Variants in EXTL3 observed in about 807,000 individuals in gnomAD.
The protein encoded by EXTL3 is exostosin like glycosyltransferase 3.
A neutral mutation model predicts 69.3 loss-of-function variants in EXTL3; 27 were observed. The ratio of observed to expected loss-of-function variants is 0.39; its 90% CI spans 0.29 to 0.54. The LOEUF (loss-of-function observed/expected upper bound fraction) is 0.54, where lower values mean the gene tolerates loss of function less well. Among genes scored for constraint, EXTL3 ranks in the 20% least tolerant of loss-of-function variants. EXTL3 has a pLI of 0.69. For synonymous variants in EXTL3, 511 were observed against 499.4 expected (o/e 1.02, Z -0.31); for missense variants, 1,003 against 1,231.8 (o/e 0.81, Z 2.78).
chr8:28,695,695 C>T (rs1355155726), intron 1 of EXTL3, among the ~76,000 whole-genome samples: 1 of 152,170 alleles, frequency 6.6e-6, no homozygotes, highest in Admixed American at 6.5e-5. Context: ...TCCCACAATT[C>T]CAGGTAAGAA....
At chr8:28,613,636 T>TCCA (rs1328611173) in intron 2 of EXTL3, among the ~76,000 whole-genome samples, 2 of 152,268 alleles carry the variant, frequency 1.3e-5, no homozygotes, top group Non-Finnish European at 2.9e-5. Flanking sequence ...TTTGGAAGGT[T>TCCA]AATAATTATT....
At chr8:28,743,026 T>C in intron 5 of EXTL3, 60 bp from the exon 6 acceptor site, 1 of 1,609,030 alleles carries the variant, frequency 6.2e-7, no homozygotes, top group Non-Finnish European at 8.5e-7. Context: ...ATATTTTGGC[T>C]GAAAGCCAAC....
chr8:28,625,426 G>T (rs1281878991), intron 1 of EXTL3, among the ~76,000 whole-genome samples: 1 of 152,182 alleles, frequency 6.6e-6, no homozygotes, highest in Non-Finnish European at 1.5e-5. Flanking sequence ...TTTCCTCTGT[G>T]GCTTCCCCCT....
chr8:28,630,269 A>T (rs1403026065), intron 1 of EXTL3, among the ~76,000 whole-genome samples: 4 of 152,194 alleles, frequency 2.6e-5, no homozygotes, highest in African/African-American at 9.6e-5. Flanking sequence ...GCTGCCATGT[A>T]AGATGTGCCT....
chr8:28,736,593 A>C (rs370293165), intron 4 of EXTL3, among the ~76,000 whole-genome samples: 4 of 152,216 alleles, frequency 2.6e-5, no homozygotes, highest in Non-Finnish European at 4.4e-5. Flanking sequence ...ACTTCTCATC[A>C]TACATGTTTC....
intron 1 of EXTL3, among the ~76,000 whole-genome samples, chr8:28,644,499 G>C (rs1806797877): frequency 6.6e-6 from 1 of 152,072 alleles, no homozygotes; most frequent in African/African-American, 2.4e-5. Flanking sequence ...AGGAGTTTGA[G>C]ACCAGCCTGG....
rs1801975184 is a variant in EXTL3 at position 28,750,220 on chromosome 8, T to G, written c.2551-437T>G. 6.6e-6 allele frequency among the ~76,000 whole-genome samples: 1 copy of G among 152,128 alleles called. No individual in the cohort carries two copies. Among genetic ancestry groups the G allele is most frequent in the Non-Finnish European group, 1.5e-5 (1 of 67,976 alleles). On this transcript the variant is annotated intron_variant, in intron 6 of 6. Transcript: ENST00000220562. The surrounding 1 kb of genome is among the most constrained non-coding windows in gnomAD (Gnocchi z 5.2). ...AGTTAAGCATCTTTTTTATGGACAGTATTCAAGAATGATAGCCCCTCTTTG... is the reference window on the plus strand; with the variant it reads ...AGTTAAGCATCTTTTTTATGGACAGGATTCAAGAATGATAGCCCCTCTTTG...
intron 3 of EXTL3, among the ~76,000 whole-genome samples, chr8:28,728,891 C>T (rs1465057138): frequency 6.6e-6 from 1 of 151,824 alleles, no homozygotes; most frequent in Non-Finnish European, 1.5e-5. Context: ...GACTCCATCT[C>T]TTAAAAGAAA....
chr8:28,671,111 G>A (rs1807283232), intron 1 of EXTL3, among the ~76,000 whole-genome samples: 1 of 151,712 alleles, frequency 6.6e-6, no homozygotes, highest in African/African-American at 2.4e-5. Flanking sequence ...CTCGCCAGTA[G>A]TTGGGATTAC....
chr8:28,686,521 A>G (rs536420622), intron 1 of EXTL3, among the ~76,000 whole-genome samples: 1 of 152,280 alleles, frequency 6.6e-6, no homozygotes, highest in Admixed American at 6.5e-5. Flanking sequence ...GTGGCTGGCA[A>G]AAAGCCAATG....
chr8:28,651,401 C>T (rs1806916606), intron 1 of EXTL3, among the ~76,000 whole-genome samples: 1 of 152,138 alleles, frequency 6.6e-6, no homozygotes, highest in African/African-American at 2.4e-5. Context: ...TCATGACTCA[C>T]TGCAGCCTCG....
chr8:28,654,728 CTT>C (rs1338279851), intron 1 of EXTL3, among the ~76,000 whole-genome samples: 5 of 152,148 alleles, frequency 3.3e-5, no homozygotes, highest in African/African-American at 1.2e-4. Flanking sequence ...AGAACAAACA[CTT>C]TAGATGTTTG....
chr8:28,744,438 A>G (rs1449050724), intron 6 of EXTL3, among the ~76,000 whole-genome samples: 1 of 152,074 alleles, frequency 6.6e-6, no homozygotes, highest in African/African-American at 2.4e-5. Context: ...CAGGCGGATC[A>G]CTTGAGGTCA....
intron 1 of EXTL3, among the ~76,000 whole-genome samples, chr8:28,666,007 T>G (rs1186385607): frequency 2.0e-5 from 3 of 152,236 alleles, no homozygotes; most frequent in Admixed American, 6.5e-5. Context: ...CGTTTGAATC[T>G]GTGGTTTTCT....
intron 1 of EXTL3, among the ~76,000 whole-genome samples, chr8:28,678,688 C>T (rs1807429492): frequency 2.6e-5 from 4 of 152,154 alleles, no homozygotes; most frequent in Admixed American, 2.6e-4. Context: ...ATTACCCAGC[C>T]TTTGTAGCAA....
chr8:28,671,458 A>G (rs559519417), intron 1 of EXTL3, among the ~76,000 whole-genome samples: 8 of 150,320 alleles, frequency 5.3e-5, no homozygotes, highest in Admixed American at 2.7e-4. Flanking sequence ...TTGTGCTTCA[A>G]CCTCTGGAGT....
At position 28,750,636 on chromosome 8, in the gene EXTL3, G is replaced by A. The variant is rs368185060; in HGVS notation, c.2551-21G>A. ...CAGTATTAGCTGGGATTCCCACTCT[G>A]TCTCTCTCTCCCGTTTCCAGGTGAC... On this transcript the variant is annotated intron_variant, in intron 6 of 6. Transcript: ENST00000220562. The surrounding 1 kb of genome is among the most constrained non-coding windows in gnomAD (Gnocchi z 5.2). The A allele has an allele frequency of 3.1e-6, 5 of 1,601,550 alleles. No homozygotes were observed. In the Admixed American group the frequency reaches 6.7e-5, roughly 21 times the overall value.
intron 1 of EXTL3, among the ~76,000 whole-genome samples, chr8:28,657,967 G>A (rs1318192348): frequency 6.6e-6 from 1 of 152,158 alleles, no homozygotes; most frequent in Non-Finnish European, 1.5e-5. Flanking sequence ...AGCTGCTTGA[G>A]GATTCTGGTA....
intron 1 of EXTL3, chr8:28,696,344 A>AT (rs1800686086): frequency 6.6e-6 from 1 of 152,282 alleles, no homozygotes; most frequent in African/African-American, 2.4e-5. Context: ...ATCACTGCCC[A>AT]GATGGCCCCT....
Sources: allele counts gnomAD v4.1 joint callset (sites outside exome capture counted in the v4.1 genomes callset), GRCh38; gene constraint gnomAD v4.1.1; non-coding constraint Gnocchi (gnomAD v3.1); transcripts MANE v1.5; gene names NCBI Gene and HGNC (gene_info 2026-07-23, HGNC 2026-07-21).